The following KIAA1958 variants were observed in gnomAD, a reference collection of about 807,000 sequenced individuals.
KIAA1958 encodes the protein KIAA1958.
In KIAA1958, 14 loss-of-function variants were observed where a neutral mutation model predicts 47.2. The ratio of observed to expected loss-of-function variants is 0.30; its 90% CI spans 0.20 to 0.46. The LOEUF is 0.46. Ranked by LOEUF, KIAA1958 falls within the 20% of genes least tolerant of loss-of-function variation. KIAA1958 has a pLI of 1.00. For synonymous variants in KIAA1958, 354 were observed against 353.3 expected (o/e 1.00, Z -0.02); for missense variants, 803 against 909.2 (o/e 0.88, Z 1.50).
At chr9:112,518,576 G>T (rs1834480154) in intron 1 of KIAA1958, among the ~76,000 whole-genome samples, 1 of 152,142 alleles carries the variant, frequency 6.6e-6, no homozygotes, top group Non-Finnish European at 1.5e-5. Context: ...AGATTGGGAG[G>T]GTGGAAGGGA....
intron 2 of KIAA1958, among the ~76,000 whole-genome samples, chr9:112,620,584 T>C (rs1407243770): frequency 6.6e-6 from 1 of 152,210 alleles, no homozygotes; most frequent in African/African-American, 2.4e-5. Context: ...CTTTGTGTCG[T>C]GGAGTTAACC....
intron 1 of KIAA1958, among the ~76,000 whole-genome samples, chr9:112,498,972 A>G (rs1220575796): frequency 6.6e-6 from 1 of 152,174 alleles, no homozygotes; most frequent in Non-Finnish European, 1.5e-5. Context: ...TATCTCCTAC[A>G]TATGAGTGAG....
intron 2 of KIAA1958, among the ~76,000 whole-genome samples, chr9:112,633,479 T>G (rs1310075315): frequency 1.3e-5 from 2 of 152,184 alleles, no homozygotes; most frequent in African/African-American, 2.4e-5. Flanking sequence ...TTTAATGTTT[T>G]CTTATTGAAT....
chr9:112,627,280 T>C (rs1836633682), intron 2 of KIAA1958, among the ~76,000 whole-genome samples: 1 of 152,196 alleles, frequency 6.6e-6, no homozygotes, highest in Non-Finnish European at 1.5e-5. Flanking sequence ...CCTCTAGAAT[T>C]TTAAATATTT....
At chr9:112,566,742 T>TTTTTTTTTTTTTTTTTTTTTTGAGACGGA (rs1554724436) in intron 1 of KIAA1958, among the ~76,000 whole-genome samples, 1 of 152,238 alleles carries the variant, frequency 6.6e-6, no homozygotes, top group Non-Finnish European at 1.5e-5. Context: ...GTTATTTTTA[T>TTTTTTTTTTTTTTTTTTTTTTGAGACGGA]GATGTCAAAT....
intron 1 of KIAA1958, among the ~76,000 whole-genome samples, chr9:112,552,988 G>A (rs1483632662): frequency 6.6e-6 from 1 of 152,054 alleles, no homozygotes; most frequent in East Asian, 1.9e-4. Flanking sequence ...TCACTTGAGA[G>A]ATGGCATTGG....
chr9:112,605,048 ATATT>A (rs1482628243), intron 2 of KIAA1958, among the ~76,000 whole-genome samples: 2 of 147,276 alleles, frequency 1.4e-5, no homozygotes, highest in Admixed American at 6.8e-5. Context: ...GTATTTTTAT[ATATT>A]TATATTATAT....
intron 3 of KIAA1958, among the ~76,000 whole-genome samples, chr9:112,649,672 A>C (rs1019762359): frequency 3.3e-5 from 5 of 152,226 alleles, no homozygotes; most frequent in Non-Finnish European, 7.3e-5. Flanking sequence ...CAGATTTCTC[A>C]TTAGAAACAA....
At chr9:112,500,749 G>C (rs1194369757) in intron 1 of KIAA1958, among the ~76,000 whole-genome samples, 7 of 152,104 alleles carry the variant, frequency 4.6e-5, no homozygotes, top group Admixed American at 1.3e-4. Context: ...AAAGAATGTA[G>C]TTCTGTATAA....
chr9:112,501,644 CAGAGA>C (rs1173631356), intron 1 of KIAA1958, among the ~76,000 whole-genome samples: 2 of 152,190 alleles, frequency 1.3e-5, no homozygotes, highest in Admixed American at 1.3e-4. Flanking sequence ...GCATTTCGGG[CAGAGA>C]AAACTGTGGC....
chr9:112,568,905 A>T lies in KIAA1958; in HGVS notation c.-24-5152A>T, dbSNP rs116116983. 5.7e-4 allele frequency among the ~76,000 whole-genome samples: 82 copies of T among 143,264 alleles called. 1 individual carries two copies. The highest frequency in any genetic ancestry group is 2.0e-3 in the African/African-American group (79 of 38,766). 94.0% of individuals were successfully genotyped at this position (143,264 alleles called of 152,430 possible). A position where few individuals can be genotyped will look rare whatever the true frequency, so the allele number is the denominator to read the frequency against. ...CTTGTCTCAAAAAAAAAAAAAAAAA[A>T]ATAGAGCTGCCAATTTAAGAATAGG... On this transcript the variant is annotated intron_variant, in intron 1 of 3. Coordinates refer to ENST00000337530, the MANE Select transcript of KIAA1958 (RefSeq NM_133465.4).
chr9:112,655,166 A>T (rs1433769454), intron 3 of KIAA1958, among the ~76,000 whole-genome samples: 2 of 152,206 alleles, frequency 1.3e-5, no homozygotes, highest in Non-Finnish European at 2.9e-5. Flanking sequence ...ATTTTTAAAA[A>T]TTTGTAATGG....
In KIAA1958 at chr9:112,566,093, C is replaced by CG. The variant is rs899169578; in HGVS notation, c.-24-7960dup. Among the ~76,000 whole-genome samples, 420 of 151,962 alleles carry CG rather than the reference C, an allele frequency of 2.8e-3. 2 individuals are homozygous for CG. Among genetic ancestry groups the CG allele is most frequent in the African/African-American group, 9.7e-3 (404 of 41,448 alleles). On this transcript the variant is annotated intron_variant, in intron 1 of 3. Coordinates refer to ENST00000337530, the MANE Select transcript of KIAA1958 (RefSeq NM_133465.4). ...TAATTTTTTGTATTTTTAGTAGAGACGGGGTTTCACCATGTTAGCCAGGAT... is the reference window on the plus strand; with the variant it reads ...TAATTTTTTGTATTTTTAGTAGAGACGGGGGTTTCACCATGTTAGCCAGGAT...
intron 3 of KIAA1958, among the ~76,000 whole-genome samples, chr9:112,653,361 C>T (rs1408932060): frequency 6.6e-6 from 1 of 152,164 alleles, no homozygotes; most frequent in African/African-American, 2.4e-5. Context: ...TCATCTACGG[C>T]TCCATAACAA....
chr9:112,628,617 TTA>T (rs1319581591), intron 2 of KIAA1958, among the ~76,000 whole-genome samples: 2 of 152,204 alleles, frequency 1.3e-5, no homozygotes, highest in African/African-American at 2.4e-5. Context: ...ACACCAAAGA[TTA>T]TGGCATGATA....
chr9:112,618,277 C>T lies in KIAA1958; in HGVS notation c.1172-27373C>T, dbSNP rs748500332. On this transcript the variant is annotated intron_variant, in intron 2 of 3. Transcript: ENST00000337530. The surrounding 1 kb of genome is among the most constrained non-coding windows in gnomAD (Gnocchi z 7.1). Reference sequence around the variant, plus strand: ...TGAAGCTCACCTTTGCTGACGAGCTCATCCTGCGGAAAAGGGGACTGCTAA... The same window carrying T: ...TGAAGCTCACCTTTGCTGACGAGCTTATCCTGCGGAAAAGGGGACTGCTAA... The T allele has an allele frequency of 1.8e-5, 28 of 1,550,832 alleles. No individual in the cohort carries two copies. The highest frequency in any genetic ancestry group is 2.4e-5 in the Non-Finnish European group (27 of 1,147,064).
Position 112,661,882 on chromosome 9 carries a change from A to G in KIAA1958, c.*1813A>G, listed in dbSNP as rs1292194795. On this transcript the variant is annotated 3_prime_UTR_variant, in exon 4 of 4. Transcript: ENST00000337530. ...AGAAATACACAAAACATTAGGTACA[A>G]TTTCCTTTAGTTTGCTAAACACCCA... 2 of 152,236 alleles carry G rather than the reference A, an allele frequency of 1.3e-5. No homozygotes were observed. The highest frequency in any genetic ancestry group is 4.8e-5 in the African/African-American group (2 of 41,468). 9.4% of individuals were successfully genotyped at this position (152,236 alleles called of 1,614,324 possible). A position where few individuals can be genotyped will look rare whatever the true frequency, so the allele number is the denominator to read the frequency against.
At chr9:112,563,990 G>T (rs1250040560) in intron 1 of KIAA1958, among the ~76,000 whole-genome samples, 1 of 151,986 alleles carries the variant, frequency 6.6e-6, no homozygotes, top group Non-Finnish European at 1.5e-5. Flanking sequence ...TAATTGAGTG[G>T]TTTTTCTCCT....
intron 1 of KIAA1958, among the ~76,000 whole-genome samples, chr9:112,545,428 A>G (rs1303132590): frequency 2.0e-5 from 3 of 152,230 alleles, no homozygotes; most frequent in Non-Finnish European, 4.4e-5. Context: ...GGGAAAAAGA[A>G]TAAGACTGGA....
Sources: allele counts gnomAD v4.1 joint callset (sites outside exome capture counted in the v4.1 genomes callset), GRCh38; gene constraint gnomAD v4.1.1; non-coding constraint Gnocchi (gnomAD v3.1); transcripts MANE v1.5; gene names NCBI Gene and HGNC (gene_info 2026-07-23, HGNC 2026-07-21).